ZCCHC17: variants seen among roughly 807,000 people sequenced by gnomAD.
ZCCHC17 encodes the protein zinc finger CCHC-type containing 17, also known as zinc finger CCHC domain-containing protein 17.
ZCCHC17 carries 18 observed loss-of-function variants against 30.6 expected under a neutral mutation model. The ratio of observed to expected loss-of-function variants is 0.59; its 90% confidence interval spans 0.41 to 0.87. ZCCHC17 has a LOEUF of 0.87. ZCCHC17 is among the 40% of genes least tolerant of loss of function. The pLI, the probability that ZCCHC17 is intolerant of heterozygous loss-of-function variation, is 0.00. For missense variants in ZCCHC17, 263 were observed against 284.2 expected (o/e 0.93, Z 0.54); for synonymous variants, 88 against 92.4 (o/e 0.95, Z 0.27).
chr1:31,319,590 T>C (rs926428367), intron 3 of ZCCHC17, among the ~76,000 whole-genome samples: 6 of 152,338 alleles, frequency 3.9e-5, no homozygotes, highest in Middle Eastern at 3.4e-3. Flanking sequence ...TTTAAGTTTT[T>C]TTCATAAAGA....
At chr1:31,356,127 TA>T (rs1294129880) in intron 7 of ZCCHC17, among the ~76,000 whole-genome samples, 1 of 152,174 alleles carries the variant, frequency 6.6e-6, no homozygotes, top group African/African-American at 2.4e-5. Flanking sequence ...TTCTAACAGT[TA>T]AAAAAGTAAC....
Position 31,328,231 on chromosome 1 carries a change from C to T in ZCCHC17, c.125-8944C>T, listed in dbSNP as rs559998627. ...TGCTTAATTTATAAATTAAGCTTCA[C>T]AGCCAGGCATGGTGGCTCACACATG... On this transcript the variant is annotated intron_variant, in intron 3 of 7. Coordinates refer to ENST00000344147, the MANE Select transcript of ZCCHC17 (RefSeq NM_016505.4). 3.3e-5 allele frequency among the ~76,000 whole-genome samples: 5 copies of T among 152,262 alleles called. No individual in the cohort carries two copies. The South Asian group carries it at 1.0e-3, about 32-fold the overall frequency.
intron 7 of ZCCHC17, among the ~76,000 whole-genome samples, chr1:31,355,218 A>G (rs1639603494): frequency 6.6e-6 from 1 of 151,666 alleles, no homozygotes; most frequent in African/African-American, 2.4e-5. Context: ...GTGTATATGA[A>G]CTTCTAACTC....
In ZCCHC17 at chr1:31,364,404, T is replaced by C. The variant is rs149963512; in HGVS notation, c.*211T>C. ...TGAGTTGTTGTTTCCTTATCACTCC[T>C]GGTCCCTTTGCAAGTGAACCCTGCA... On this transcript the variant is annotated 3_prime_UTR_variant, in exon 8 of 8. Transcript: ENST00000344147. 1.0e-3 allele frequency: 828 copies of C among 803,264 alleles called. 4 individuals are homozygous for C. In the African/African-American group the frequency reaches 0.013, roughly 12 times the overall value. 49.8% of individuals were successfully genotyped at this position (803,264 alleles called of 1,614,324 possible).
intron 3 of ZCCHC17, among the ~76,000 whole-genome samples, chr1:31,331,980 G>A (rs1167837926): frequency 1.3e-5 from 2 of 152,110 alleles, no homozygotes. Flanking sequence ...TCTCAAAATA[G>A]TTGTCTCCCT....
chr1:31,330,735 G>T (rs1274088260), intron 3 of ZCCHC17, among the ~76,000 whole-genome samples: 3 of 152,128 alleles, frequency 2.0e-5, no homozygotes, highest in Non-Finnish European at 4.4e-5. Context: ...ATTTCTAGAT[G>T]ATTTTTTCCC....
chr1:31,355,326 G>A (rs1225586606), intron 7 of ZCCHC17, among the ~76,000 whole-genome samples: 7 of 151,946 alleles, frequency 4.6e-5, no homozygotes, highest in Non-Finnish European at 1.0e-4. Flanking sequence ...ATTTAGCATC[G>A]TTGTCTTTTC....
At chr1:31,328,670 A>G (rs1483379814) in intron 3 of ZCCHC17, among the ~76,000 whole-genome samples, 1 of 152,144 alleles carries the variant, frequency 6.6e-6, no homozygotes, top group Non-Finnish European at 1.5e-5. Flanking sequence ...GGGGTAGGGT[A>G]TGGCTGGAGT....
At chr1:31,301,256 TATG>T (rs1219876587) in intron 1 of ZCCHC17, among the ~76,000 whole-genome samples, 1 of 152,162 alleles carries the variant, frequency 6.6e-6, no homozygotes, top group Non-Finnish European at 1.5e-5. Context: ...GGAGGAAGGA[TATG>T]ATGATGTGCA....
intron 1 of ZCCHC17, among the ~76,000 whole-genome samples, chr1:31,305,757 T>G (rs900924787): frequency 6.6e-6 from 1 of 152,154 alleles, no homozygotes; most frequent in African/African-American, 2.4e-5. Context: ...GTTGACTTTT[T>G]AAAAATAAAT....
chr1:31,335,981 G>A (rs192724037), intron 3 of ZCCHC17, among the ~76,000 whole-genome samples: 2 of 152,004 alleles, frequency 1.3e-5, no homozygotes, highest in Non-Finnish European at 2.9e-5. Context: ...TCCAGTTATT[G>A]TTCATTAGGG....
At chr1:31,345,697 A>G (rs910455914) in intron 5 of ZCCHC17, among the ~76,000 whole-genome samples, 5 of 150,856 alleles carry the variant, frequency 3.3e-5, no homozygotes, top group African/African-American at 9.8e-5. Context: ...GGGAGGCCTC[A>G]GGAAACTTAC....
At chr1:31,352,527 G>A (rs761451546) in intron 7 of ZCCHC17, among the ~76,000 whole-genome samples, 13 of 152,016 alleles carry the variant, frequency 8.6e-5, no homozygotes, top group East Asian at 1.9e-4. Context: ...GCTGTTGCCC[G>A]GGCTGGAGTG....
chr1:31,358,542 T>TA (rs1171037746), intron 7 of ZCCHC17, among the ~76,000 whole-genome samples: 1 of 152,080 alleles, frequency 6.6e-6, no homozygotes, highest in African/African-American at 2.4e-5. Context: ...ATTTTGAAGA[T>TA]ATAAGAGCAG....
In ZCCHC17 at chr1:31,310,147, A is replaced by T; in HGVS notation, c.49A>T (p.Thr17Ser). The T allele has an allele frequency of 6.2e-7, 1 of 1,614,160 alleles. No individual in the cohort carries two copies. Among genetic ancestry groups the T allele is most frequent in the Non-Finnish European group, 8.5e-7 (1 of 1,180,012 alleles). ...CATGGAAAACTTGCCTGCTCTCTACACTATTTTCCAAGGAGAGGTATATTC... is the reference window on the plus strand; with the variant it reads ...CATGGAAAACTTGCCTGCTCTCTACTCTATTTTCCAAGGAGAGGTATATTC... ...ETMENLPALY[T>S]IFQGEVAMVT... The change falls in exon 2 of 8, where the codon ACT becomes TCT. Residue 17 changes from threonine (T) to serine (S), a missense_variant. By Grantham distance (58) the Thr-to-Ser change is moderately conservative. Transcript: ENST00000344147.
chr1:31,301,089 T>C (rs1467283566), intron 1 of ZCCHC17, among the ~76,000 whole-genome samples: 1 of 152,194 alleles, frequency 6.6e-6, no homozygotes, highest in East Asian at 1.9e-4. Flanking sequence ...GTTTTAGGGA[T>C]TGAAAGCAGG....
At chr1:31,334,260 G>C (rs931380319) in intron 3 of ZCCHC17, among the ~76,000 whole-genome samples, 11 of 149,544 alleles carry the variant, frequency 7.4e-5, no homozygotes, top group African/African-American at 2.7e-4. Flanking sequence ...AAACAGAAAG[G>C]GCAGGTATTT....
At chr1:31,341,997 C>T (rs879909517) in intron 5 of ZCCHC17, among the ~76,000 whole-genome samples, 1 of 151,970 alleles carries the variant, frequency 6.6e-6, no homozygotes, top group Admixed American at 6.6e-5. Flanking sequence ...CCCACAAAAA[C>T]AGAGACCATG....
intron 1 of ZCCHC17, among the ~76,000 whole-genome samples, chr1:31,298,495 C>G (rs1420554431): frequency 1.3e-5 from 2 of 151,724 alleles, no homozygotes; most frequent in Non-Finnish European, 2.9e-5. Context: ...AAGCAATTCT[C>G]CTGCCTTAGC....
Sources: gnomAD v4.1 joint callset for allele counts (sites outside exome capture counted in the v4.1 genomes callset) on GRCh38, gnomAD v4.1.1 for gene constraint, MANE v1.5 for transcripts, NCBI Gene and HGNC (gene_info 2026-07-23, HGNC 2026-07-21) for gene names.